MEIKIN: variants seen among roughly 807,000 people sequenced by gnomAD.
The protein encoded by MEIKIN is meiosis-specific kinetochore protein.
At chr5:131,817,991 C>T (rs1561721307) in intron 12 of MEIKIN, among the ~76,000 whole-genome samples, 1 of 151,938 alleles carries the variant, frequency 6.6e-6, no homozygotes, top group Non-Finnish European at 1.5e-5. Context: ...AAAAACAAAA[C>T]AAAACAAAAA....
intron 4 of MEIKIN, among the ~76,000 whole-genome samples, chr5:131,937,629 A>T (rs185308204): frequency 6.6e-6 from 1 of 152,210 alleles, no homozygotes; most frequent in East Asian, 1.9e-4. Flanking sequence ...GTTGACATCC[A>T]GGACAACTTT....
At chr5:131,883,118 T>A (rs995839162) in intron 8 of MEIKIN, among the ~76,000 whole-genome samples, 6 of 152,226 alleles carry the variant, frequency 3.9e-5, no homozygotes, top group African/African-American at 1.4e-4. Flanking sequence ...TCCCGGTAAC[T>A]AAAACAGTTT....
intron 12 of MEIKIN, among the ~76,000 whole-genome samples, chr5:131,813,466 ACCCAGG>A (rs1773040019): frequency 1.4e-5 from 2 of 143,466 alleles, no homozygotes; most frequent in South Asian, 4.4e-4. Flanking sequence ...TTGCTTTGTC[ACCCAGG>A]CTGGAGTGCA....
chr5:131,923,542 T>C (rs1163629812), intron 5 of MEIKIN, among the ~76,000 whole-genome samples: 1 of 151,484 alleles, frequency 6.6e-6, no homozygotes, highest in Non-Finnish European at 1.5e-5. Flanking sequence ...CTTTTTTTCT[T>C]ATGATTTTTT....
At chr5:131,841,741 A>G (rs1749917957) in intron 11 of MEIKIN, among the ~76,000 whole-genome samples, 1 of 152,186 alleles carries the variant, frequency 6.6e-6, no homozygotes, top group Non-Finnish European at 1.5e-5. Context: ...CATTACATTT[A>G]TTTGTGCCTT....
intron 8 of MEIKIN, among the ~76,000 whole-genome samples, chr5:131,885,017 A>C (rs1335647030): frequency 6.6e-6 from 1 of 152,190 alleles, no homozygotes; most frequent in Non-Finnish European, 1.5e-5. Context: ...ACAGTACAAC[A>C]GAAAACCAAG....
chr5:131,919,555 AAAGG>A (rs1751471398), intron 6 of MEIKIN, among the ~76,000 whole-genome samples: 1 of 152,234 alleles, frequency 6.6e-6, no homozygotes, highest in African/African-American at 2.4e-5. Context: ...GTAAAAAATA[AAAGG>A]AAGATCTCTA....
chr5:131,839,131 G>A (rs1749861618), intron 11 of MEIKIN, among the ~76,000 whole-genome samples: 1 of 152,136 alleles, frequency 6.6e-6, no homozygotes, highest in Non-Finnish European at 1.5e-5. Flanking sequence ...TTCAGGAACA[G>A]GTTATTCAAT....
chr5:131,842,054 C>T (rs1749924888), intron 11 of MEIKIN, among the ~76,000 whole-genome samples: 1 of 151,848 alleles, frequency 6.6e-6, no homozygotes, highest in African/African-American at 2.4e-5. Flanking sequence ...GTCTGGAGTG[C>T]AGTGGCACGA....
chr5:131,832,455 G>C (rs571752425), intron 11 of MEIKIN, among the ~76,000 whole-genome samples: 1 of 152,266 alleles, frequency 6.6e-6, no homozygotes, highest in African/African-American at 2.4e-5. Flanking sequence ...CTGGTGTTGA[G>C]TGTCTGTGGC....
chr5:131,848,003 C>A (rs1750047280), intron 11 of MEIKIN, among the ~76,000 whole-genome samples: 1 of 152,016 alleles, frequency 6.6e-6, no homozygotes, highest in Non-Finnish European at 1.5e-5. Flanking sequence ...ACAACATAAC[C>A]AAACTTACGG....
rs978822590 is a variant in MEIKIN at position 131,807,230 on chromosome 5, GT to G, written c.*5del. On this transcript the variant is annotated 3_prime_UTR_variant, in exon 13 of 13. Transcript: ENST00000442687. ...AAGTGGTGAAAATTCAGCCACAGCT[GT>G]TTTTTCATGCCATTTTTATTATGAT... 2 of 398,182 alleles carry G rather than the reference GT, an allele frequency of 5.0e-6. No individual in the cohort carries two copies. 24.7% of individuals were successfully genotyped at this position (398,182 alleles called of 1,614,324 possible).
intron 8 of MEIKIN, among the ~76,000 whole-genome samples, chr5:131,893,808 T>A (rs1445374772): frequency 2.6e-5 from 4 of 152,178 alleles, no homozygotes; most frequent in African/African-American, 9.6e-5. Flanking sequence ...GTGCAAAAAT[T>A]TTCTCCCATT....
At chr5:131,808,990 A>G (rs1772900614) in intron 12 of MEIKIN, among the ~76,000 whole-genome samples, 2 of 152,112 alleles carry the variant, frequency 1.3e-5, no homozygotes, top group South Asian at 4.1e-4. Context: ...TGGAGCCTGG[A>G]AGGTCGAGGC....
At chr5:131,859,770 G>A (rs970785833) in intron 9 of MEIKIN, among the ~76,000 whole-genome samples, 2 of 152,084 alleles carry the variant, frequency 1.3e-5, no homozygotes, top group African/African-American at 4.8e-5. Context: ...CTTCTGCATG[G>A]GGATATCCAG....
intron 4 of MEIKIN, among the ~76,000 whole-genome samples, chr5:131,934,130 TA>T (rs1390385591): frequency 1.3e-5 from 2 of 151,708 alleles, no homozygotes; most frequent in African/African-American, 4.8e-5. Flanking sequence ...ATTTTTTTTT[TA>T]TTTTTTTTTT....
At chr5:131,869,334 G>A (rs533160494) in intron 9 of MEIKIN, among the ~76,000 whole-genome samples, 1 of 152,080 alleles carries the variant, frequency 6.6e-6, no homozygotes, top group Admixed American at 6.5e-5. Context: ...CTGTTCCATC[G>A]ATCTGTTTGT....
chr5:131,903,994 A>G lies in MEIKIN; in HGVS notation c.703+7821T>C, dbSNP rs141132699. On this transcript the variant is annotated intron_variant, in intron 8 of 12. Transcript: ENST00000442687. ...ACAAAAAAACAAAAAAATAACGGAA[A>G]AAAAGCAGATGCTGCTATTCTCATT... Among the ~76,000 whole-genome samples the G allele has an allele frequency of 3.7e-3, 558 of 152,248 alleles. 4 individuals are homozygous for G. Among genetic ancestry groups the G allele is most frequent in the African/African-American group, 0.013 (528 of 41,568 alleles).
intron 8 of MEIKIN, among the ~76,000 whole-genome samples, chr5:131,899,369 A>G (rs1314868040): frequency 1.8e-4 from 28 of 152,090 alleles, no homozygotes; most frequent in Admixed American, 1.8e-3. Context: ...ATTAAACTAT[A>G]CCACTAGAGT....
Sources: gnomAD v4.1 joint callset for allele counts (sites outside exome capture counted in the v4.1 genomes callset) on GRCh38, gnomAD v4.1.1 for gene constraint, MANE v1.5 for transcripts, NCBI Gene and HGNC (gene_info 2026-07-23, HGNC 2026-07-21) for gene names.